TRPC4: variants seen among roughly 807,000 people sequenced by gnomAD.
TRPC4 encodes transient receptor potential cation channel subfamily C member 4.
A neutral mutation model predicts 99.4 loss-of-function variants in TRPC4; 49 were observed. The observed-to-expected ratio is 0.49, with a 90% CI of 0.39 to 0.63. TRPC4 has a LOEUF of 0.63. Ranked by LOEUF, TRPC4 falls within the 20% of genes least tolerant of loss-of-function variation. The probability of loss-of-function intolerance (pLI) is 0.00; values close to 1 mark genes in which losing one functional copy is unlikely to be tolerated. For synonymous variants in TRPC4, 454 were observed against 425.9 expected (o/e 1.07, Z -0.81); for missense variants, 898 against 1,152.9 (o/e 0.78, Z 3.20).
Position 37,681,455 on chromosome 13 carries a change from CT to C in TRPC4, c.1235-7089del, listed in dbSNP as rs967634292. On this transcript the variant is annotated intron_variant, in intron 4 of 10. Transcript: ENST00000379705. ...GGCTAATGTGGTAATGTGTTGGTAT[CT>C]TTTTTTTTTGTTATTGTTCCAGATT... is the stretch of plus-strand genomic sequence containing the variant. 2.3e-3 allele frequency among the ~76,000 whole-genome samples: 340 copies of C among 148,694 alleles called. 5 individuals carry two copies. Among genetic ancestry groups the C allele is most frequent in the East Asian group, 2.7e-3 (14 of 5,112 alleles).
intron 1 of TRPC4, among the ~76,000 whole-genome samples, chr13:37,844,300 T>C (rs927855145): frequency 6.6e-6 from 1 of 152,134 alleles, no homozygotes; most frequent in African/African-American, 2.4e-5. Context: ...TTTTTTTCTT[T>C]CTTTATTTTT....
chr13:37,856,221 T>C (rs1443162200), intron 1 of TRPC4, among the ~76,000 whole-genome samples: 3 of 151,664 alleles, frequency 2.0e-5, no homozygotes, highest in African/African-American at 7.3e-5. Flanking sequence ...CCAAGGATCA[T>C]CAGTGGCTGT....
chr13:37,704,063 A>T (rs1426742829), intron 3 of TRPC4, among the ~76,000 whole-genome samples: 2 of 152,302 alleles, frequency 1.3e-5, no homozygotes, highest in Middle Eastern at 3.4e-3. Context: ...ATATACACAC[A>T]TGGTTGAATA....
At position 37,797,941 on chromosome 13, in the gene TRPC4, C is replaced by T. The variant is rs149125693; in HGVS notation, c.-27-14581G>A. ...AATGACATAAAGCTGCATTATGACTCTTAAATACTCATCCCAGAGGTTTAT... is the reference window on the plus strand; with the variant it reads ...AATGACATAAAGCTGCATTATGACTTTTAAATACTCATCCCAGAGGTTTAT... On this transcript the variant is annotated intron_variant, in intron 1 of 10. Coordinates refer to ENST00000379705, the MANE Select transcript of TRPC4 (RefSeq NM_016179.4). Among the ~76,000 whole-genome samples, 1,199 of 152,218 alleles carry T rather than the reference C, an allele frequency of 7.9e-3. 8 individuals are homozygous for T. Among genetic ancestry groups the T allele is most frequent in the Non-Finnish European group, 0.012 (832 of 68,006 alleles).
intron 3 of TRPC4, among the ~76,000 whole-genome samples, chr13:37,712,589 G>T (rs563719077): frequency 1.7e-4 from 26 of 152,220 alleles, no homozygotes; most frequent in Non-Finnish European, 3.2e-4. Context: ...GCATATTTTT[G>T]AATAGGAAAT....
intron 2 of TRPC4, among the ~76,000 whole-genome samples, chr13:37,778,156 C>G (rs1956755758): frequency 6.6e-6 from 1 of 152,064 alleles, no homozygotes. Context: ...TTAAATGACA[C>G]CCATTCAAAT....
At chr13:37,698,289 G>A (rs1479308088) in intron 3 of TRPC4, among the ~76,000 whole-genome samples, 1 of 149,194 alleles carries the variant, frequency 6.7e-6, no homozygotes, top group Non-Finnish European at 1.5e-5. Flanking sequence ...GCCTCCCGAG[G>A]TAGCTGGGAC....
rs1955172503 is a variant in TRPC4 at position 37,729,423 on chromosome 13, G to C, written c.897+16514C>G. On this transcript the variant is annotated intron_variant, in intron 3 of 10. Transcript: ENST00000379705. ...AGCCACTGTGAAAAACACTTGTGGAGGTTTCTCAAAAATTAAAAAAAATAC... is the reference window on the plus strand; with the variant it reads ...AGCCACTGTGAAAAACACTTGTGGACGTTTCTCAAAAATTAAAAAAAATAC... Among the ~76,000 whole-genome samples the C allele has an allele frequency of 4.8e-5, 6 of 124,970 alleles. No individual in the cohort carries two copies. In the Admixed American group the frequency reaches 5.0e-4, roughly 10 times the overall value. The allele number at this position is 124,970 out of a possible 152,430, so 82.0% of individuals were successfully genotyped here.
chr13:37,859,038 G>C (rs1593333665), intron 1 of TRPC4, among the ~76,000 whole-genome samples: 5 of 151,032 alleles, frequency 3.3e-5, no homozygotes, highest in Admixed American at 3.3e-4. Context: ...AATATCTCTT[G>C]TACCCCATAA....
chr13:37,701,860 T>C (rs1222928643), intron 3 of TRPC4, among the ~76,000 whole-genome samples: 1 of 152,212 alleles, frequency 6.6e-6, no homozygotes. Context: ...CCATATGGTA[T>C]TGAGATTTTG....
At chr13:37,637,874 T>A (rs989115263) in intron 10 of TRPC4, among the ~76,000 whole-genome samples, 1 of 152,178 alleles carries the variant, frequency 6.6e-6, no homozygotes, top group African/African-American at 2.4e-5. Context: ...ACGTGAGTTA[T>A]CTTTGCCACC....
intron 2 of TRPC4, among the ~76,000 whole-genome samples, chr13:37,777,110 G>A (rs552946018): frequency 6.6e-6 from 1 of 151,998 alleles, no homozygotes; most frequent in African/African-American, 2.4e-5. Context: ...GCACTGAGGT[G>A]GAAAGAAAAT....
In TRPC4 at chr13:37,753,734, G is replaced by A. The variant is rs547638863; in HGVS notation, c.379-7279C>T. On this transcript the variant is annotated intron_variant, in intron 2 of 10. Transcript: ENST00000379705. Reference sequence around the variant, plus strand: ...GAATTCAGATTTCTGTTTCCCTAATGTTCACTTGTCTGGGATGGAAAGGTG... The same window carrying A: ...GAATTCAGATTTCTGTTTCCCTAATATTCACTTGTCTGGGATGGAAAGGTG... Among the ~76,000 whole-genome samples the A allele has an allele frequency of 3.9e-5, 6 of 152,204 alleles. No homozygotes were observed. The East Asian group carries it at 1.2e-3, about 30-fold the overall frequency.
rs1448393204 is a variant in TRPC4 at position 37,634,520 on chromosome 13, C to G, written c.*2383G>C. ...ACATTCCTCTATTACCATCATGTCC[C>G]CCTATAAAATGTCAGCACCTTAACC... On this transcript the variant is annotated 3_prime_UTR_variant, in exon 11 of 11. Transcript: ENST00000379705. 6.6e-6 allele frequency among the ~76,000 whole-genome samples: 1 copy of G among 151,926 alleles called. No individual in the cohort carries two copies. Among genetic ancestry groups the G allele is most frequent in the Admixed American group, 6.6e-5 (1 of 15,216 alleles).
chr13:37,663,832 AT>A, intron 5 of TRPC4, 103 bp from the exon 6 acceptor site: 1 of 1,106,080 alleles, frequency 9.0e-7, no homozygotes, highest in Non-Finnish European at 1.3e-6. Context: ...GAACAAAATA[AT>A]TGATGACTTT....
intron 8 of TRPC4, among the ~76,000 whole-genome samples, chr13:37,641,709 A>G (rs942360296): frequency 1.3e-5 from 2 of 152,142 alleles, no homozygotes; most frequent in African/African-American, 2.4e-5. Context: ...ATATGGTCCC[A>G]GGGGTTACAC....
At chr13:37,681,891 A>G (rs149562802) in intron 4 of TRPC4, among the ~76,000 whole-genome samples, 1,699 of 152,324 alleles carry the variant, frequency 0.011, 27 homozygotes, top group African/African-American at 0.038. Context: ...AGTGCAAATG[A>G]GTCAGAGAAC....
chr13:37,638,296 T>C (rs1203136722), intron 10 of TRPC4, among the ~76,000 whole-genome samples: 2 of 152,124 alleles, frequency 1.3e-5, no homozygotes, highest in African/African-American at 4.8e-5. Flanking sequence ...CAATTTGAAC[T>C]TTATGGCTGT....
chr13:37,733,638 T>C (rs1174498464), intron 3 of TRPC4, among the ~76,000 whole-genome samples: 1 of 152,124 alleles, frequency 6.6e-6, no homozygotes. Context: ...AACAACTAGG[T>C]TCCTTGGTAT....
Sources: gnomAD v4.1 joint callset for allele counts (sites outside exome capture counted in the v4.1 genomes callset) on GRCh38, gnomAD v4.1.1 for gene constraint, MANE v1.5 for transcripts, NCBI Gene and HGNC (gene_info 2026-07-23, HGNC 2026-07-21) for gene names.